Variants in SNX18 observed in about 807,000 individuals in gnomAD.
The protein encoded by SNX18 is sorting nexin-18.
SNX18 carries 35 observed loss-of-function variants against 48.7 expected under a neutral mutation model. That is an observed-to-expected ratio of 0.72 (90% CI 0.55 to 0.95). The LOEUF is 0.95. Among genes scored for constraint, SNX18 ranks in the 40% least tolerant of loss-of-function variants. SNX18 has a pLI of 0.00. For synonymous variants in SNX18, 492 were observed against 384.7 expected (o/e 1.28, Z -3.26); for missense variants, 824 against 871.0 (o/e 0.95, Z 0.68).
chr5:54,607,989 G>T, the SNX18 span, among the ~76,000 whole-genome samples: 1 of 152,090 alleles, frequency 6.6e-6, no homozygotes, highest in Admixed American at 6.6e-5. Context: ...TCATGTGCAG[G>T]GTTTTATGTG....
chr5:54,601,751 T>G, the SNX18 span, among the ~76,000 whole-genome samples: 1 of 152,152 alleles, frequency 6.6e-6, no homozygotes, highest in Non-Finnish European at 1.5e-5. Flanking sequence ...TCTCTCTTAC[T>G]CTACTCAGTT....
At position 54,519,432 on chromosome 5, in the gene SNX18, G is replaced by A; in HGVS notation, c.1480G>A (p.Ala494Thr). The part of the protein sequence containing the change: ...AFSVGLNQAI[A>T]FTGDAYDAIG... ...CTCGGTGGGCCTGAACCAGGCTATC[G>A]CCTTCACCGGAGATGCCTATGACGC... Residue 494 changes from alanine (A) to threonine (T), a missense_variant, in exon 1 of 2, where the codon GCC becomes ACC. Physicochemically the swap from Ala to Thr is moderately conservative, Grantham distance 58. Coordinates refer to ENST00000381410, the MANE Select transcript of SNX18 (RefSeq NM_001102575.2). The A allele has an allele frequency of 6.2e-7, 1 of 1,612,448 alleles. No individual in the cohort carries two copies. Among genetic ancestry groups the A allele is most frequent in the South Asian group, 1.1e-5 (1 of 90,984 alleles).
At chr5:54,532,777 A>G (rs1043844083) in intron 1 of SNX18, among the ~76,000 whole-genome samples, 5 of 152,212 alleles carry the variant, frequency 3.3e-5, no homozygotes, top group Non-Finnish European at 5.9e-5. Flanking sequence ...ATTACCAGCA[A>G]GAAACAGTTT....
At chr5:54,643,953 GTTTCT>G in the SNX18 span, 2 of 152,256 alleles carry the variant, frequency 1.3e-5, no homozygotes, top group African/African-American at 4.8e-5. Flanking sequence ...GGCTGGAATT[GTTTCT>G]TCACTTTGGG....
the SNX18 span, among the ~76,000 whole-genome samples, chr5:54,581,950 T>C: frequency 6.6e-6 from 1 of 152,166 alleles, no homozygotes; most frequent in Non-Finnish European, 1.5e-5. Context: ...TGAGATTTGC[T>C]CACCAGACTG....
intron 1 of SNX18, chr5:54,520,072 T>C (rs762314752): frequency 1.4e-5 from 6 of 437,806 alleles, no homozygotes; most frequent in Non-Finnish European, 2.1e-5. Flanking sequence ...TAAGATCAAT[T>C]CTCTGAGTTT....
At chr5:54,540,554 G>A (rs980921) in intron 1 of SNX18, among the ~76,000 whole-genome samples, 1 of 152,020 alleles carries the variant, frequency 6.6e-6, no homozygotes, top group Admixed American at 6.5e-5. Flanking sequence ...GTTACGGATG[G>A]ACATCTGTAA....
At chr5:54,590,252 T>C in the SNX18 span, among the ~76,000 whole-genome samples, 1 of 152,244 alleles carries the variant, frequency 6.6e-6, no homozygotes, top group Admixed American at 6.5e-5. Flanking sequence ...AAAGGAGTAT[T>C]TCCAATGCTG....
At chr5:54,530,508 A>G (rs1366418613) in intron 1 of SNX18, among the ~76,000 whole-genome samples, 1 of 152,114 alleles carries the variant, frequency 6.6e-6, no homozygotes, top group Non-Finnish European at 1.5e-5. Context: ...AAATTGACTT[A>G]TTCTACAGGC....
At chr5:54,554,870 T>C in the SNX18 span, among the ~76,000 whole-genome samples, 2 of 152,244 alleles carry the variant, frequency 1.3e-5, no homozygotes, top group Non-Finnish European at 2.9e-5. Flanking sequence ...TTCCTTTTTC[T>C]AGTCCTGAGA....
chr5:54,535,255 A>G (rs1460238248), intron 1 of SNX18, among the ~76,000 whole-genome samples: 1 of 152,226 alleles, frequency 6.6e-6, no homozygotes, highest in Non-Finnish European at 1.5e-5. Context: ...ATACAAAGAA[A>G]AAAGGTAGGA....
chr5:54,549,049 T>G (rs1169122103), downstream of SNX18, among the ~76,000 whole-genome samples: 1 of 152,236 alleles, frequency 6.6e-6, no homozygotes, highest in Non-Finnish European at 1.5e-5. Flanking sequence ...TTTTGTATTG[T>G]TATTTCTTAT....
the SNX18 span, among the ~76,000 whole-genome samples, chr5:54,552,809 G>C: frequency 6.6e-6 from 1 of 152,106 alleles, no homozygotes; most frequent in Admixed American, 6.5e-5. Context: ...TAGTGAACTA[G>C]ATGATATGTA....
At chr5:54,588,733 T>G in the SNX18 span, among the ~76,000 whole-genome samples, 1 of 152,214 alleles carries the variant, frequency 6.6e-6, no homozygotes, top group Non-Finnish European at 1.5e-5. Context: ...GTAACAGTAC[T>G]GTCATTTACT....
chr5:54,616,701 C>A, the SNX18 span, among the ~76,000 whole-genome samples: 1 of 151,588 alleles, frequency 6.6e-6, no homozygotes, highest in African/African-American at 2.4e-5. Flanking sequence ...TCCAGGAGGC[C>A]GATATGGCAG....
At chr5:54,550,580 G>A (rs915093683), downstream of SNX18, among the ~76,000 whole-genome samples, 14 of 152,098 alleles carry the variant, frequency 9.2e-5, no homozygotes, top group South Asian at 4.1e-4. Context: ...TTATATATGC[G>A]GTAGATGATT....
At chr5:54,573,473 A>C in the SNX18 span, among the ~76,000 whole-genome samples, 2 of 152,124 alleles carry the variant, frequency 1.3e-5, no homozygotes, top group Non-Finnish European at 2.9e-5. Context: ...CCGGCCTCAA[A>C]TTGCATGTTC....
chr5:54,604,574 G>C, the SNX18 span, among the ~76,000 whole-genome samples: 7 of 152,180 alleles, frequency 4.6e-5, no homozygotes, highest in African/African-American at 1.7e-4. Flanking sequence ...CAAATTCATA[G>C]AGACAGAAGG....
the SNX18 span, among the ~76,000 whole-genome samples, chr5:54,628,598 C>T: frequency 0.012 from 1,884 of 152,278 alleles, 41 homozygotes; most frequent in African/African-American, 0.044. Flanking sequence ...TGTGTCCCCA[C>T]CTCTAGTCCC....
Sources: gnomAD v4.1 joint callset for allele counts (sites outside exome capture counted in the v4.1 genomes callset) on GRCh38, gnomAD v4.1.1 for gene constraint, MANE v1.5 for transcripts, NCBI Gene and HGNC (gene_info 2026-07-23, HGNC 2026-07-21) for gene names.